Variants in SLCO1B3 observed in about 807,000 individuals in gnomAD.
SLCO1B3 encodes the protein solute carrier organic anion transporter family member 1B3.
SLCO1B3 carries 72 observed loss-of-function variants against 71.8 expected under a neutral mutation model. That is an observed-to-expected ratio of 1.00 (90% CI 0.83 to 1.22). The LOEUF (loss-of-function observed/expected upper bound fraction) is 1.22, where lower values mean the gene tolerates loss of function less well. SLCO1B3 is among the 50% of genes most tolerant of loss of function. SLCO1B3 has a pLI of 0.00. For synonymous variants in SLCO1B3, 298 were observed against 278.4 expected, an observed-to-expected ratio of 1.07 and a Z score of -0.70; for missense variants, 911 against 819.7, an observed-to-expected ratio of 1.11 and a Z score of -1.36.
intron 3 of SLCO1B3, among the ~76,000 whole-genome samples, chr12:20,846,450 C>G (rs1864921953): frequency 6.6e-6 from 1 of 152,236 alleles, no homozygotes; most frequent in East Asian, 1.9e-4. Flanking sequence ...GTGTTTTAAT[C>G]AGCTCAGGTG....
intron 15 of SLCO1B3, among the ~76,000 whole-genome samples, chr12:20,903,650 C>T (rs970148207): frequency 3.9e-5 from 6 of 152,106 alleles, no homozygotes; most frequent in Non-Finnish European, 7.4e-5. Flanking sequence ...AGAACTCACT[C>T]ACTATCTTGA....
chr12:20,851,533 T>C (rs1330369196), intron 3 of SLCO1B3, among the ~76,000 whole-genome samples: 2 of 152,182 alleles, frequency 1.3e-5, no homozygotes, highest in Admixed American at 6.5e-5. Flanking sequence ...TTGTTGTTGT[T>C]AAGTTGCAGA....
At chr12:20,866,690 A>G (rs1865378538) in intron 8 of SLCO1B3, among the ~76,000 whole-genome samples, 1 of 151,324 alleles carries the variant, frequency 6.6e-6, no homozygotes, top group African/African-American at 2.4e-5. Context: ...AAGGACATCT[A>G]CCTGAGCAGG....
At chr12:20,915,188 T>G (rs2120477290) in intron 15 of SLCO1B3, among the ~76,000 whole-genome samples, 1 of 152,244 alleles carries the variant, frequency 6.6e-6, no homozygotes, top group South Asian at 2.1e-4. Context: ...TTTTCTTTCT[T>G]TTGTCTTATT....
chr12:20,880,507 A>T (rs1865667762), intron 11 of SLCO1B3, among the ~76,000 whole-genome samples: 1 of 152,116 alleles, frequency 6.6e-6, no homozygotes, highest in Non-Finnish European at 1.5e-5. Flanking sequence ...GAAGTTACTT[A>T]TATAATGTAA....
intron 3 of SLCO1B3, chr12:20,845,103 T>A: frequency 2.3e-6 from 1 of 426,510 alleles, no homozygotes; most frequent in Non-Finnish European, 4.6e-6. Context: ...ACCAAGGTGA[T>A]GGAAGCCATT....
intron 3 of SLCO1B3, among the ~76,000 whole-genome samples, chr12:20,835,459 C>T (rs1299560286): frequency 6.6e-6 from 1 of 152,142 alleles, no homozygotes; most frequent in Non-Finnish European, 1.5e-5. Context: ...GTACACTTTG[C>T]TGCTTAGAAA....
intron 13 of SLCO1B3, among the ~76,000 whole-genome samples, chr12:20,890,070 A>T (rs552442348): frequency 4.7e-4 from 71 of 151,862 alleles, no homozygotes; most frequent in Non-Finnish European, 9.4e-4. Context: ...GACCTGTGCC[A>T]CCACACCCAG....
chr12:20,862,136 C>T (rs1157365184), intron 6 of SLCO1B3, among the ~76,000 whole-genome samples: 1 of 151,958 alleles, frequency 6.6e-6, no homozygotes, highest in Non-Finnish European at 1.5e-5. Flanking sequence ...ATGTAATGTA[C>T]ATAAGGAATA....
rs7311358 is a variant in SLCO1B3, at chr12:20,862,826, G to A, written c.699G>A (p.Met233Ile). ...CACTGGGATCTCTGTTTGCTAAAAT[G>A]TACGTGGATATTGGATATGTAGATC... ...GFALGSLFAK[M>I]YVDIGYVDLS... Residue 233 changes from methionine to isoleucine, a missense_variant, in exon 8 of 16, where the codon ATG becomes ATA. Met to Ile is a conservative substitution (Grantham distance 10). Coordinates refer to ENST00000381545, the MANE Select transcript of SLCO1B3 (RefSeq NM_019844.4). 0.83 allele frequency: 1,330,641 copies of A among 1,604,866 alleles called. 559,664 individuals are homozygous for A. Among genetic ancestry groups the A allele is most frequent in the South Asian group, 0.91 (82,276 of 90,782 alleles).
At chr12:20,910,158 A>C (rs1866345341) in intron 15 of SLCO1B3, among the ~76,000 whole-genome samples, 1 of 152,120 alleles carries the variant, frequency 6.6e-6, no homozygotes, top group Non-Finnish European at 1.5e-5. Context: ...GCCTAAATTC[A>C]TTATTTTGCA....
rs1236894202 is a variant in SLCO1B3 at position 20,861,047 on chromosome 12, T to C, written c.390T>C (p.Asn130=). 3.1e-6 allele frequency: 5 copies of C among 1,596,758 alleles called. No individual in the cohort carries two copies. In the Admixed American group the frequency reaches 8.6e-5, roughly 27 times the overall value. The change falls in exon 6 of 16, where the codon AAT becomes AAC. Residue 130 remains asparagine, a synonymous_variant. Transcript: ENST00000381545. ...YYRYSKETHI[N]PSENSTSSLS... The stretch of plus-strand genomic sequence containing the variant: ...GGTATTCTAAAGAAACCCATATTAA[T>C]CCATCAGAAAATTCAACATCAAGTT...
Position 20,862,506 on chromosome 12 carries a change from G to A in SLCO1B3, c.576G>A (p.Gly192=), listed in dbSNP as rs773585218. The A allele has an allele frequency of 2.5e-6, 4 of 1,612,612 alleles. No homozygotes were observed. In the East Asian group the frequency reaches 8.9e-5, roughly 36 times the overall value. Residue 192 remains glycine (G), a synonymous_variant, in exon 7 of 16, where the codon GGG becomes GGA. Transcript: ENST00000381545. ...GIGETPIVPL[G]ISYIDDFAKE... ...GGGAAACCCCCATAGTACCATTGGG[G>A]ATTTCATACATTGATGATTTTGCAA...
At chr12:20,849,463 C>A (rs1864979543) in intron 3 of SLCO1B3, among the ~76,000 whole-genome samples, 1 of 152,052 alleles carries the variant, frequency 6.6e-6, no homozygotes, top group Non-Finnish European at 1.5e-5. Flanking sequence ...TATTGAAAGA[C>A]TGAAAGTTTT....
At chr12:20,818,333 G>A (rs1158528904) in intron 3 of SLCO1B3, among the ~76,000 whole-genome samples, 1 of 152,152 alleles carries the variant, frequency 6.6e-6, no homozygotes, top group Non-Finnish European at 1.5e-5. Context: ...ACTAATAAGG[G>A]CTGGTCTTTT....
chr12:20,847,910 TAAAA>T (rs1305750650), intron 3 of SLCO1B3, among the ~76,000 whole-genome samples: 8 of 151,910 alleles, frequency 5.3e-5, no homozygotes, highest in Non-Finnish European at 1.0e-4. Flanking sequence ...GAACTCCAAG[TAAAA>T]AAACTGAAAG....
intron 10 of SLCO1B3, among the ~76,000 whole-genome samples, chr12:20,878,686 T>G (rs984311403): frequency 1.3e-5 from 2 of 152,154 alleles, no homozygotes; most frequent in African/African-American, 4.8e-5. Context: ...AACTGACAGA[T>G]TTAAACTTAA....
At chr12:20,870,259 A>G (rs561754469) in intron 8 of SLCO1B3, among the ~76,000 whole-genome samples, 1 of 152,202 alleles carries the variant, frequency 6.6e-6, no homozygotes, top group Admixed American at 6.5e-5. Flanking sequence ...ATGCTTTATG[A>G]ATATTTTCTC....
chr12:20,853,495 A>G (rs78800991), intron 3 of SLCO1B3, among the ~76,000 whole-genome samples: 16 of 152,082 alleles, frequency 1.1e-4, no homozygotes, highest in South Asian at 4.1e-4. Context: ...CATTTATTCT[A>G]TGTTTTCCAG....
Sources: gnomAD v4.1 joint callset for allele counts (sites outside exome capture counted in the v4.1 genomes callset) on GRCh38, gnomAD v4.1.1 for gene constraint, MANE v1.5 for transcripts, NCBI Gene and HGNC (gene_info 2026-07-23, HGNC 2026-07-21) for gene names.